SLC9B1: variants seen among roughly 807,000 people sequenced by gnomAD.
The protein encoded by SLC9B1 is solute carrier family 9 member B1.
In SLC9B1, 32 loss-of-function variants were observed where a neutral mutation model predicts 51.7. The ratio of observed to expected loss-of-function variants is 0.62; its 90% CI spans 0.47 to 0.83. The LOEUF is 0.83. Ranked by LOEUF, SLC9B1 falls within the 40% of genes least tolerant of loss-of-function variation. The probability of loss-of-function intolerance (pLI) is 0.00; values close to 1 mark genes in which losing one functional copy is unlikely to be tolerated. For missense variants in SLC9B1, 406 were observed against 613.2 expected, an observed-to-expected ratio of 0.66 and a Z score of 3.57; for synonymous variants, 145 against 212.7, an observed-to-expected ratio of 0.68 and a Z score of 2.77.
In SLC9B1 at chr4:102,906,560, A is replaced by T. The variant is rs775578557; in HGVS notation, c.1171T>A (p.Ser391Thr). Residue 391 changes from serine (S) to threonine (T), a missense_variant, in exon 10 of 12, where the codon TCA becomes ACA. Ser to Thr is a moderately conservative substitution (Grantham distance 58). This residue lies in a region of SLC9B1 where 250 missense variants were observed against 394.1 expected (regional missense o/e 0.63). Transcript: ENST00000296422. Reference protein sequence around the residue: ...FGLVGAEVSVSSLESNIVGIS... With the variant: ...FGLVGAEVSVTSLESNIVGIS... The stretch of plus-strand genomic sequence containing the variant: ...CCAACAATATTTGATTCAAGCGATG[A>T]AACAGATACTTCTGCTCCAACTAAA... 2 of 1,572,804 alleles carry T rather than the reference A, an allele frequency of 1.3e-6. No homozygotes were observed. The highest frequency in any genetic ancestry group is 1.7e-6 in the Non-Finnish European group (2 of 1,162,332).
chr4:102,978,148 T>G (rs1739171076), intron 3 of SLC9B1, among the ~76,000 whole-genome samples: 1 of 152,242 alleles, frequency 6.6e-6, no homozygotes, highest in Admixed American at 6.5e-5. Context: ...TCATCATTTT[T>G]TATGGCTGCA....
intron 6 of SLC9B1, among the ~76,000 whole-genome samples, chr4:102,941,088 AATT>A (rs1736972697): frequency 1.3e-5 from 2 of 152,198 alleles, no homozygotes; most frequent in Non-Finnish European, 2.9e-5. Context: ...AGGAAATTTC[AATT>A]CTGGAAAACA....
At chr4:102,951,510 T>C (rs1560947962) in intron 3 of SLC9B1, among the ~76,000 whole-genome samples, 1 of 151,592 alleles carries the variant, frequency 6.6e-6, no homozygotes, top group Non-Finnish European at 1.5e-5. Flanking sequence ...ATTGGAGACA[T>C]GAGAAGAAGA....
chr4:102,915,054 A>C (rs529496787), intron 7 of SLC9B1, among the ~76,000 whole-genome samples: 5 of 152,290 alleles, frequency 3.3e-5, no homozygotes, highest in African/African-American at 1.2e-4. Context: ...TCTCAGCAAA[A>C]ACTCTACAGG....
Position 102,902,094 on chromosome 4 carries a change from T to C in SLC9B1, c.1333-762A>G, listed in dbSNP as rs143166692. On this transcript the variant is annotated intron_variant, in intron 11 of 11. Transcript: ENST00000296422. ...TTTGAAGTTTTCGTTTTAGAATGAC[T>C]GTACTGGGTCACAAGTTTTTTTCCC... Among the ~76,000 whole-genome samples the C allele has an allele frequency of 7.2e-3, 1,092 of 152,312 alleles. 5 individuals are homozygous for C. Among genetic ancestry groups the C allele is most frequent in the Non-Finnish European group, 0.012 (807 of 68,020 alleles).
chr4:102,995,584 T>C (rs1372328342), intron 1 of SLC9B1, among the ~76,000 whole-genome samples: 1 of 152,186 alleles, frequency 6.6e-6, no homozygotes, highest in Non-Finnish European at 1.5e-5. Context: ...GGTTAATAGC[T>C]ATAAGAGAAG....
At chr4:102,998,887 G>A (rs574989071) in intron 1 of SLC9B1, among the ~76,000 whole-genome samples, 1 of 152,110 alleles carries the variant, frequency 6.6e-6, no homozygotes, top group African/African-American at 2.4e-5. Flanking sequence ...TTGAGACAAG[G>A]TCTCATTATG....
intron 3 of SLC9B1, among the ~76,000 whole-genome samples, chr4:102,977,629 G>A (rs1365031562): frequency 6.6e-6 from 1 of 152,048 alleles, no homozygotes; most frequent in Non-Finnish European, 1.5e-5. Context: ...TGAACTTTTA[G>A]AACACTAGTA....
At chr4:102,951,606 G>A (rs1487593399) in intron 3 of SLC9B1, among the ~76,000 whole-genome samples, 2 of 151,120 alleles carry the variant, frequency 1.3e-5, no homozygotes, top group South Asian at 2.1e-4. Context: ...AAACCACTAA[G>A]TACCCAAACA....
intron 3 of SLC9B1, among the ~76,000 whole-genome samples, chr4:102,987,846 C>G (rs1739724367): frequency 6.6e-6 from 1 of 152,234 alleles, no homozygotes; most frequent in South Asian, 2.1e-4. Context: ...TTCTCTGAAT[C>G]TGTCTAATCA....
chr4:102,990,227 A>G (rs539416145), intron 2 of SLC9B1, among the ~76,000 whole-genome samples: 2 of 152,162 alleles, frequency 1.3e-5, no homozygotes, highest in East Asian at 3.9e-4. Context: ...ACAATAATTA[A>G]AAGTGTCCAT....
intron 11 of SLC9B1, among the ~76,000 whole-genome samples, chr4:102,903,175 T>A (rs1472634423): frequency 6.6e-6 from 1 of 152,204 alleles, no homozygotes; most frequent in Non-Finnish European, 1.5e-5. Flanking sequence ...GTCTCTTTCC[T>A]CATACCTGCT....
intron 5 of SLC9B1, among the ~76,000 whole-genome samples, chr4:102,946,001 T>C (rs1415916614): frequency 6.6e-6 from 1 of 152,138 alleles, no homozygotes; most frequent in African/African-American, 2.4e-5. Flanking sequence ...AACATAATCC[T>C]GTGGAGAAAA....
At chr4:102,919,722 AG>A (rs879831213) in intron 7 of SLC9B1, among the ~76,000 whole-genome samples, 82,671 of 152,110 alleles carry the variant, frequency 0.54, 23,021 homozygotes, top group African/African-American at 0.68. Context: ...ACTTTTCCCA[AG>A]GTCTTAGCAA....
At chr4:102,977,597 G>A (rs1210192413) in intron 3 of SLC9B1, among the ~76,000 whole-genome samples, 2 of 152,060 alleles carry the variant, frequency 1.3e-5, no homozygotes, top group South Asian at 2.1e-4. Context: ...TGTTGAGAAC[G>A]TTTTTGGGAA....
intron 3 of SLC9B1, among the ~76,000 whole-genome samples, chr4:102,970,013 T>C (rs1452926529): frequency 6.6e-6 from 1 of 152,176 alleles, no homozygotes; most frequent in Non-Finnish European, 1.5e-5. Context: ...TAAGTTTGAT[T>C]GGTGTACTTG....
At chr4:102,935,662 T>A (rs1736684776) in intron 6 of SLC9B1, among the ~76,000 whole-genome samples, 1 of 152,178 alleles carries the variant, frequency 6.6e-6, no homozygotes, top group African/African-American at 2.4e-5. Flanking sequence ...GAACAAATTG[T>A]AAAGTAAAAT....
chr4:102,980,541 A>C (rs1031082496), intron 3 of SLC9B1, among the ~76,000 whole-genome samples: 1 of 152,068 alleles, frequency 6.6e-6, no homozygotes, highest in African/African-American at 2.4e-5. Flanking sequence ...GAGCTGAATG[A>C]TGAGAACACA....
At chr4:102,931,229 A>AG (rs1736439703) in intron 7 of SLC9B1, among the ~76,000 whole-genome samples, 1 of 151,626 alleles carries the variant, frequency 6.6e-6, no homozygotes, top group Non-Finnish European at 1.5e-5. Context: ...CCGCCTCAAA[A>AG]AAAAAAAAAA....
Sources: allele counts gnomAD v4.1 joint callset (sites outside exome capture counted in the v4.1 genomes callset), GRCh38; gene constraint gnomAD v4.1.1; regional missense constraint gnomAD v4.1.1; transcripts MANE v1.5; gene names NCBI Gene and HGNC (gene_info 2026-07-23, HGNC 2026-07-21).